CDH12: variants seen among roughly 807,000 people sequenced by gnomAD.
CDH12 encodes cadherin-12.
Under a neutral mutation model 74.1 loss-of-function variants are expected in CDH12, and 41 were observed. The observed-to-expected ratio is 0.55, with a 90% confidence interval of 0.43 to 0.72. The LOEUF is 0.72. CDH12 is among the 30% of genes least tolerant of loss of function. CDH12 has a pLI of 0.00. For synonymous variants in CDH12, 399 were observed against 355.0 expected, an observed-to-expected ratio of 1.12 and a Z score of -1.39; for missense variants, 945 against 977.2, an observed-to-expected ratio of 0.97 and a Z score of 0.44.
intron 5 of CDH12, among the ~76,000 whole-genome samples, chr5:22,070,688 A>T (rs1330524499): frequency 1.3e-5 from 2 of 152,168 alleles, no homozygotes; most frequent in African/African-American, 4.8e-5. Flanking sequence ...CTTAAAAATA[A>T]TTTTTTGTTC....
intron 1 of CDH12, among the ~76,000 whole-genome samples, chr5:22,742,348 T>G (rs1203974041): frequency 2.0e-5 from 3 of 152,130 alleles, no homozygotes; most frequent in Admixed American, 6.5e-5. Context: ...TGAGCTGCCC[T>G]CTGTCTTAAG....
At chr5:22,034,919 C>T (rs4340886) in intron 5 of CDH12, among the ~76,000 whole-genome samples, 3 of 152,222 alleles carry the variant, frequency 2.0e-5, no homozygotes, top group South Asian at 2.1e-4. Context: ...CATCGGTTAA[C>T]GCCATTGACA....
chr5:22,039,163 C>T (rs955661729), intron 5 of CDH12, among the ~76,000 whole-genome samples: 3 of 152,048 alleles, frequency 2.0e-5, no homozygotes, highest in Non-Finnish European at 4.4e-5. Context: ...GCCTGGTTAT[C>T]CATGGGGATA....
chr5:22,387,940 ACTAT>A (rs1234001001), intron 3 of CDH12, among the ~76,000 whole-genome samples: 2 of 152,094 alleles, frequency 1.3e-5, no homozygotes, highest in Admixed American at 1.3e-4. Context: ...TGTCACTAAG[ACTAT>A]CAGGCTCATC....
chr5:21,807,400 C>A (rs1164529873), intron 9 of CDH12, among the ~76,000 whole-genome samples: 1 of 152,074 alleles, frequency 6.6e-6, no homozygotes, highest in Admixed American at 6.6e-5. Flanking sequence ...TACTGCAGTA[C>A]CATGGTCTCA....
intron 4 of CDH12, among the ~76,000 whole-genome samples, chr5:22,153,622 T>C (rs1483274866): frequency 6.6e-6 from 1 of 151,118 alleles, no homozygotes; most frequent in Non-Finnish European, 1.5e-5. Flanking sequence ...AAGTGGGAGT[T>C]ACAGTGGTAT....
chr5:22,398,518 C>T (rs1202112011), intron 3 of CDH12, among the ~76,000 whole-genome samples: 1 of 152,046 alleles, frequency 6.6e-6, no homozygotes, highest in Admixed American at 6.6e-5. Context: ...GGAAGGAAAT[C>T]TTCCCTGGAT....
intron 4 of CDH12, among the ~76,000 whole-genome samples, chr5:22,179,318 T>C (rs1053446360): frequency 6.6e-6 from 1 of 152,098 alleles, no homozygotes; most frequent in Admixed American, 6.5e-5. Flanking sequence ...GTTTATGACA[T>C]ACTATAGAGT....
chr5:22,669,573 G>A (rs1306623130), intron 1 of CDH12, among the ~76,000 whole-genome samples: 1 of 152,200 alleles, frequency 6.6e-6, no homozygotes, highest in Non-Finnish European at 1.5e-5. Context: ...AATGTAAGCA[G>A]AAGTCACTGG....
chr5:22,398,330 C>T (rs1384641229), intron 3 of CDH12, among the ~76,000 whole-genome samples: 2 of 152,076 alleles, frequency 1.3e-5, no homozygotes, highest in East Asian at 3.9e-4. Flanking sequence ...CTCAGTGAAA[C>T]AATGGAAGCC....
At chr5:22,613,818 CAT>C (rs1180094958) in intron 1 of CDH12, among the ~76,000 whole-genome samples, 3 of 152,010 alleles carry the variant, frequency 2.0e-5, no homozygotes, top group Non-Finnish European at 4.4e-5. Context: ...CACTGGGAAT[CAT>C]GTGTATCACG....
At chr5:22,144,211 T>C (rs1747008618) in intron 4 of CDH12, 1 of 152,218 alleles carries the variant, frequency 6.6e-6, no homozygotes, top group Non-Finnish European at 1.5e-5. Context: ...CTTTTCTTAA[T>C]TTATCCACTA....
chr5:22,458,803 T>C (rs187732827), intron 2 of CDH12, among the ~76,000 whole-genome samples: 1 of 152,334 alleles, frequency 6.6e-6, no homozygotes, highest in East Asian at 1.9e-4. Flanking sequence ...TTTCAGCTGT[T>C]TCTTTTACTC....
At position 21,911,639 on chromosome 5, in the gene CDH12, C is replaced by G. The variant is rs191234104; in HGVS notation, c.527-56849G>C. The stretch of plus-strand genomic sequence containing the variant: ...TATTGAAATATATGAACTAAGGATG[C>G]ACGACATTTTAACCTTGACATGGTT... On this transcript the variant is annotated intron_variant, in intron 6 of 14. Transcript: ENST00000382254. 5.9e-5 allele frequency among the ~76,000 whole-genome samples: 9 copies of G among 152,060 alleles called. No individual in the cohort carries two copies. In the East Asian group the frequency reaches 1.5e-3, roughly 26 times the overall value.
chr5:22,389,280 C>A (rs781753983), intron 3 of CDH12, among the ~76,000 whole-genome samples: 4 of 152,108 alleles, frequency 2.6e-5, no homozygotes, highest in Admixed American at 2.6e-4. Flanking sequence ...CTTAACAATA[C>A]CACCTTTTCT....
intron 3 of CDH12, among the ~76,000 whole-genome samples, chr5:22,236,813 A>G (rs1405211511): frequency 6.6e-6 from 1 of 152,086 alleles, no homozygotes; most frequent in Admixed American, 6.5e-5. Context: ...GATCAGGATA[A>G]TCAATTTCAC....
At chr5:21,893,591 G>T (rs916222171) in intron 6 of CDH12, among the ~76,000 whole-genome samples, 1 of 152,104 alleles carries the variant, frequency 6.6e-6, no homozygotes, top group Non-Finnish European at 1.5e-5. Flanking sequence ...TCAACTTTTT[G>T]AAAATAAGAA....
chr5:22,456,565 C>T (rs1307293078), intron 2 of CDH12, among the ~76,000 whole-genome samples: 6 of 151,916 alleles, frequency 3.9e-5, no homozygotes, highest in South Asian at 4.1e-4. Flanking sequence ...AGATTTAACA[C>T]GTGCCCAATC....
At chr5:22,616,027 G>A (rs1228481060) in intron 1 of CDH12, among the ~76,000 whole-genome samples, 3 of 152,068 alleles carry the variant, frequency 2.0e-5, no homozygotes, top group Non-Finnish European at 2.9e-5. Context: ...CTGATGATTC[G>A]TCCTGGCAAC....
Sources: gnomAD v4.1 joint callset for allele counts (sites outside exome capture counted in the v4.1 genomes callset) on GRCh38, gnomAD v4.1.1 for gene constraint, MANE v1.5 for transcripts, NCBI Gene and HGNC (gene_info 2026-07-23, HGNC 2026-07-21) for gene names.